The following MYBPC1 variants were observed in gnomAD, a reference collection of about 807,000 sequenced individuals.
The protein encoded by MYBPC1 is myosin binding protein C1.
MYBPC1 carries 52 observed loss-of-function variants against 147.1 expected under a neutral mutation model. The ratio of observed to expected loss-of-function variants is 0.35; its 90% CI spans 0.28 to 0.45. MYBPC1 has a LOEUF of 0.45. Among genes scored for constraint, MYBPC1 ranks in the 20% least tolerant of loss-of-function variants. MYBPC1 has a pLI of 1.00. For synonymous variants in MYBPC1, 477 were observed against 475.9 expected, an observed-to-expected ratio of 1.00 and a Z score of -0.03; for missense variants, 1,228 against 1,440.3, an observed-to-expected ratio of 0.85 and a Z score of 2.39.
chr12:101,692,435 C>T, the MYBPC1 span, among the ~76,000 whole-genome samples: 1 of 152,158 alleles, frequency 6.6e-6, no homozygotes, highest in African/African-American at 2.4e-5. Context: ...TCGTTGGGAA[C>T]ATAAGCTCTG....
intron 3 of MYBPC1, among the ~76,000 whole-genome samples, chr12:101,620,279 A>G (rs1178995237): frequency 1.3e-5 from 2 of 152,236 alleles, no homozygotes; most frequent in Non-Finnish European, 2.9e-5. Context: ...CTGGCTTAGA[A>G]TTCTTTCATA....
At chr12:101,680,956 T>C (rs74700069) in intron 29 of MYBPC1, among the ~76,000 whole-genome samples, 6,180 of 152,270 alleles carry the variant, frequency 0.041, 198 homozygotes, top group South Asian at 0.15. Flanking sequence ...AGTTTACTAT[T>C]TTGTAAAGTT....
At chr12:101,614,401 T>C (rs973006719) in intron 1 of MYBPC1, 95 bp from the exon 2 acceptor site, 5 of 1,380,420 alleles carry the variant, frequency 3.6e-6, no homozygotes, top group East Asian at 2.4e-5. Context: ...ACAGGTGAGA[T>C]GGCTGCCTGC....
At chr12:101,599,648 G>A (rs994015344) in intron 1 of MYBPC1, among the ~76,000 whole-genome samples, 4 of 152,256 alleles carry the variant, frequency 2.6e-5, no homozygotes, top group African/African-American at 9.6e-5. Context: ...ACCTCAAATT[G>A]GGGAAAGGTT....
At chr12:101,641,019 G>A (rs1891907129) in intron 10 of MYBPC1, among the ~76,000 whole-genome samples, 1 of 151,530 alleles carries the variant, frequency 6.6e-6, no homozygotes, top group African/African-American at 2.4e-5. Flanking sequence ...GACTGAGGCA[G>A]GAGAATCGTT....
intron 10 of MYBPC1, among the ~76,000 whole-genome samples, chr12:101,637,784 A>C (rs758711926): frequency 6.6e-6 from 1 of 152,170 alleles, no homozygotes; most frequent in African/African-American, 2.4e-5. Flanking sequence ...AGTCTCTGTA[A>C]ATGAAAAATT....
intron 10 of MYBPC1, 53 bp from the exon 11 acceptor site, chr12:101,642,366 G>T: frequency 6.3e-6 from 10 of 1,586,718 alleles, no homozygotes; most frequent in Non-Finnish European, 8.7e-6. Flanking sequence ...GACCTTCGTG[G>T]TCTCTAAGGG....
chr12:101,603,008 C>T (rs1028455103), intron 1 of MYBPC1, among the ~76,000 whole-genome samples: 6 of 151,852 alleles, frequency 4.0e-5, no homozygotes, highest in Admixed American at 2.6e-4. Flanking sequence ...ATATCTATGT[C>T]TGTCTCCAAG....
chr12:101,596,680 A>G (rs1286456246), intron 1 of MYBPC1, among the ~76,000 whole-genome samples: 1 of 152,262 alleles, frequency 6.6e-6, no homozygotes, highest in Non-Finnish European at 1.5e-5. Context: ...TTTACTTTTC[A>G]TTTGACAACT....
At chr12:101,688,904 G>A (rs2136981681), downstream of MYBPC1, among the ~76,000 whole-genome samples, 1 of 144,068 alleles carries the variant, frequency 6.9e-6, no homozygotes, top group South Asian at 2.2e-4. Context: ...AATGAGCTGA[G>A]ATCGCACCAC....
At chr12:101,682,980 T>C (rs73388500) in intron 30 of MYBPC1, among the ~76,000 whole-genome samples, 2,259 of 152,334 alleles carry the variant, frequency 0.015, 42 homozygotes, top group African/African-American at 0.051. Flanking sequence ...AATATTTCTT[T>C]AATATTTTCA....
intron 3 of MYBPC1, among the ~76,000 whole-genome samples, chr12:101,625,542 C>T (rs573058213): frequency 6.6e-6 from 1 of 152,324 alleles, no homozygotes; most frequent in South Asian, 2.1e-4. Context: ...TCATCTGTTA[C>T]TAATACTCTT....
chr12:101,630,100 A>G (rs543096172), intron 6 of MYBPC1, among the ~76,000 whole-genome samples: 1 of 152,096 alleles, frequency 6.6e-6, no homozygotes, highest in South Asian at 2.1e-4. Context: ...GTCTCTCTGG[A>G]TTTACCTATT....
At chr12:101,603,302 G>A (rs559615488) in intron 1 of MYBPC1, among the ~76,000 whole-genome samples, 25 of 151,314 alleles carry the variant, frequency 1.7e-4, no homozygotes, top group Admixed American at 4.6e-4. Flanking sequence ...CCAAGATCGC[G>A]CCATTGCACT....
chr12:101,627,993 C>A, intron 5 of MYBPC1, 189 bp downstream of exon 5: 1 of 655,566 alleles, frequency 1.5e-6, no homozygotes, highest in Non-Finnish European at 2.6e-6. Context: ...GCATGATACA[C>A]ACGCATTCAA....
At chr12:101,614,872 T>C (rs1565897640) in intron 2 of MYBPC1, 4 of 374,734 alleles carry the variant, frequency 1.1e-5, no homozygotes, top group East Asian at 1.2e-4. Context: ...GGCTTTTTCC[T>C]ATATAGTGAA....
intron 20 of MYBPC1, among the ~76,000 whole-genome samples, 158 bp from the exon 21 acceptor site, chr12:101,662,200 C>A (rs1191486073): frequency 6.6e-6 from 1 of 151,992 alleles, no homozygotes; most frequent in Non-Finnish European, 1.5e-5. Flanking sequence ...TATTTCTATT[C>A]TCTTGGAATA....
At chr12:101,618,698 CAACA>C (rs546957458) in intron 3 of MYBPC1, among the ~76,000 whole-genome samples, 7 of 152,004 alleles carry the variant, frequency 4.6e-5, no homozygotes, top group Non-Finnish European at 8.8e-5. Flanking sequence ...GTCAACCAAC[CAACA>C]AAAACTCTTT....
the MYBPC1 span, among the ~76,000 whole-genome samples, chr12:101,693,696 C>T: frequency 2.0e-5 from 3 of 152,250 alleles, no homozygotes; most frequent in South Asian, 6.2e-4. Flanking sequence ...TCAGATTGCG[C>T]CACTGCACTC....
Sources: allele counts gnomAD v4.1 joint callset (sites outside exome capture counted in the v4.1 genomes callset), GRCh38; gene constraint gnomAD v4.1.1; transcripts MANE v1.5; gene names NCBI Gene and HGNC (gene_info 2026-07-23, HGNC 2026-07-21).